The following PKNOX2 variants were observed in gnomAD, a reference collection of about 807,000 sequenced individuals.
PKNOX2 encodes the protein PBX/knotted 1 homeobox 2, also known as homeobox protein PKNOX2.
A neutral mutation model predicts 53.1 loss-of-function variants in PKNOX2; 14 were observed. That is an observed-to-expected ratio of 0.26 (90% CI 0.17 to 0.41). PKNOX2 has a LOEUF of 0.41. PKNOX2 is among the 10% of genes least tolerant of loss of function. The pLI is 1.00. For missense variants in PKNOX2, 496 were observed against 602.8 expected (o/e 0.82, Z 1.85); for synonymous variants, 257 against 242.8 (o/e 1.06, Z -0.54).
chr11:125,411,515 C>CG (rs1955546764), intron 9 of PKNOX2: 4 of 407,096 alleles, frequency 9.8e-6, no homozygotes, highest in Admixed American at 9.8e-5. Flanking sequence ...TCTCTCCCCC[C>CG]CTTCCCCATC....
intron 2 of PKNOX2, among the ~76,000 whole-genome samples, chr11:125,255,622 A>G (rs1488182322): frequency 6.6e-6 from 1 of 152,062 alleles, no homozygotes; most frequent in African/African-American, 2.4e-5. Context: ...ACTATAAATA[A>G]ACACATAAAC....
chr11:125,249,459 G>A (rs942760919), intron 2 of PKNOX2, among the ~76,000 whole-genome samples: 4 of 152,126 alleles, frequency 2.6e-5, no homozygotes, highest in Non-Finnish European at 1.5e-5. Context: ...AAAAAGGGAT[G>A]GCTGCATCTT....
intron 2 of PKNOX2, among the ~76,000 whole-genome samples, chr11:125,248,859 A>AATAT (rs935043478): frequency 6.9e-6 from 1 of 145,040 alleles, no homozygotes; most frequent in Non-Finnish European, 1.5e-5. Flanking sequence ...TAACATATAT[A>AATAT]ATATATATAT....
At position 125,370,010 on chromosome 11, in the gene PKNOX2, C is replaced by T. The variant is rs1460111404; in HGVS notation, c.227+2025C>T. Among the ~76,000 whole-genome samples, 1 of 152,118 alleles carries T rather than the reference C, an allele frequency of 6.6e-6. No individual in the cohort carries two copies. The highest frequency in any genetic ancestry group is 1.5e-5 in the Non-Finnish European group (1 of 68,018). ...CATTTTCACAAGATCCCAGGGGATT[C>T]CTATGCATACTGAAGACTCACCTCG... is the stretch of plus-strand genomic sequence containing the variant. On this transcript the variant is annotated intron_variant, in intron 5 of 12. Transcript: ENST00000298282. This position sits in a 1 kb window ranked among gnomAD's most constrained non-coding sequence, Gnocchi z 4.1.
intron 2 of PKNOX2, among the ~76,000 whole-genome samples, chr11:125,305,144 T>C (rs975239518): frequency 3.9e-5 from 6 of 152,070 alleles, no homozygotes; most frequent in African/African-American, 1.4e-4. Context: ...AGTTTACCAC[T>C]CCAGATGATC....
intron 2 of PKNOX2, among the ~76,000 whole-genome samples, chr11:125,280,157 T>C (rs1946456196): frequency 6.6e-6 from 1 of 151,314 alleles, no homozygotes; most frequent in Non-Finnish European, 1.5e-5. Context: ...AAATGGCGAC[T>C]CTGTTTTTAC....
intron 2 of PKNOX2, among the ~76,000 whole-genome samples, chr11:125,252,973 C>T (rs1007838914): frequency 7.9e-5 from 12 of 152,346 alleles, no homozygotes; most frequent in African/African-American, 2.9e-4. Flanking sequence ...CCAAGGCCTT[C>T]GGCTATTCAC....
chr11:125,212,449 C>CT (rs796083611), intron 1 of PKNOX2, among the ~76,000 whole-genome samples: 2,884 of 105,296 alleles, frequency 0.027, 130 homozygotes, highest in African/African-American at 0.085. Context: ...GGAGGGGATT[C>CT]TTTTTTTTTT....
At chr11:125,412,022 AG>A (rs1349736164) in intron 10 of PKNOX2, among the ~76,000 whole-genome samples, 157 bp downstream of exon 10, 1 of 152,132 alleles carries the variant, frequency 6.6e-6, no homozygotes, top group Non-Finnish European at 1.5e-5. Flanking sequence ...AGTCCAGGCC[AG>A]GGGGGCTCAG....
intron 2 of PKNOX2, among the ~76,000 whole-genome samples, chr11:125,318,519 T>C (rs1282873148): frequency 2.6e-5 from 4 of 152,190 alleles, no homozygotes; most frequent in Non-Finnish European, 4.4e-5. Flanking sequence ...TTAGAGAATG[T>C]TGTGTTTGGT....
intron 3 of PKNOX2, among the ~76,000 whole-genome samples, chr11:125,346,687 C>G (rs531729095): frequency 6.6e-6 from 1 of 151,842 alleles, no homozygotes; most frequent in African/African-American, 2.4e-5. Context: ...TTGTATGTGT[C>G]GGAGGACAGA....
intron 5 of PKNOX2, among the ~76,000 whole-genome samples, chr11:125,371,426 G>C (rs576486636): frequency 1.4e-4 from 22 of 152,022 alleles, no homozygotes; most frequent in African/African-American, 5.3e-4. Flanking sequence ...AGCCCCACCC[G>C]CCCATGCTGG....
chr11:125,189,439 GTGTGTGTGTATATATATATATATATATA>G (rs1204076417), intron 1 of PKNOX2, among the ~76,000 whole-genome samples: 4 of 56,762 alleles, frequency 7.0e-5, no homozygotes, highest in African/African-American at 1.6e-4. Context: ...GTGTGTGTGT[GTGTGTGTGTATATATATATATATATATA>G]TATATATATA....
intron 1 of PKNOX2, among the ~76,000 whole-genome samples, chr11:125,230,081 G>A (rs1257834630): frequency 6.6e-6 from 1 of 152,216 alleles, no homozygotes; most frequent in East Asian, 1.9e-4. Context: ...AGGGCCTGAG[G>A]GGTGTCACAG....
chr11:125,398,523 T>C (rs955633791), intron 7 of PKNOX2, among the ~76,000 whole-genome samples: 2 of 152,218 alleles, frequency 1.3e-5, no homozygotes, highest in Non-Finnish European at 2.9e-5. Context: ...CAGCTTCCCA[T>C]GGGCCTGCTG....
At chr11:125,355,946 C>T (rs1336733939) in intron 4 of PKNOX2, among the ~76,000 whole-genome samples, 4 of 151,994 alleles carry the variant, frequency 2.6e-5, no homozygotes, top group African/African-American at 4.8e-5. Context: ...TCAGCCACTC[C>T]GGGGAGCCAT....
intron 3 of PKNOX2, among the ~76,000 whole-genome samples, chr11:125,349,205 C>T (rs1951158998): frequency 6.6e-6 from 1 of 152,188 alleles, no homozygotes; most frequent in Admixed American, 6.5e-5. Context: ...GAAGTTCCTT[C>T]TGATGTCTCA....
chr11:125,347,027 C>G (rs1172934747), intron 3 of PKNOX2, among the ~76,000 whole-genome samples: 1 of 152,148 alleles, frequency 6.6e-6, no homozygotes, highest in Non-Finnish European at 1.5e-5. Flanking sequence ...GGACTCACTT[C>G]CCCGGGGCTG....
intron 2 of PKNOX2, among the ~76,000 whole-genome samples, chr11:125,303,512 C>A (rs939480514): frequency 6.6e-6 from 1 of 152,116 alleles, no homozygotes; most frequent in African/African-American, 2.4e-5. Context: ...AGCTCTCTGG[C>A]GCTGCCTGGG....
Sources: allele counts gnomAD v4.1 joint callset (sites outside exome capture counted in the v4.1 genomes callset), GRCh38; gene constraint gnomAD v4.1.1; non-coding constraint Gnocchi (gnomAD v3.1); transcripts MANE v1.5; gene names NCBI Gene and HGNC (gene_info 2026-07-23, HGNC 2026-07-21).